The following AK9 variants were observed in gnomAD, a reference collection of about 807,000 sequenced individuals.
AK9 encodes the protein adenylate kinase 9.
Under a neutral mutation model 239.6 loss-of-function variants are expected in AK9, and 191 were observed. The ratio of observed to expected loss-of-function variants is 0.80; its 90% CI spans 0.71 to 0.90. AK9 has a LOEUF of 0.90. AK9 is among the 40% of genes least tolerant of loss of function. The probability of loss-of-function intolerance (pLI) is 0.00; values close to 1 mark genes in which losing one functional copy is unlikely to be tolerated. For synonymous variants in AK9, 689 were observed against 721.0 expected, an observed-to-expected ratio of 0.96 and a Z score of 0.71; for missense variants, 1,995 against 2,214.7, an observed-to-expected ratio of 0.90 and a Z score of 1.99.
rs951124091 is a variant in AK9 at position 109,585,670 on chromosome 6, G to A, written c.1999+246C>T. 4.6e-5 allele frequency among the ~76,000 whole-genome samples: 7 copies of A among 151,974 alleles called. No individual in the cohort carries two copies. In the East Asian group the frequency reaches 5.8e-4, roughly 13 times the overall value. ...ATAGCTTCTAATTGTGTGTGTGTGC[G>A]TGCTAAACTGTAAGCTTTAAAGAAA... On this transcript the variant is annotated intron_variant, in intron 18 of 40. Coordinates refer to ENST00000424296, the MANE Select transcript of AK9 (RefSeq NM_001145128.3).
intron 17 of AK9, among the ~76,000 whole-genome samples, chr6:109,590,524 G>C (rs1168300805): frequency 6.6e-6 from 1 of 151,860 alleles, no homozygotes; most frequent in East Asian, 1.9e-4. Flanking sequence ...TTAATTCTTT[G>C]TAATGTTTTT....
At chr6:109,508,089 A>G (rs1295959990) in intron 33 of AK9, among the ~76,000 whole-genome samples, 1 of 152,198 alleles carries the variant, frequency 6.6e-6, no homozygotes, top group Non-Finnish European at 1.5e-5. Context: ...TGAATTGTTC[A>G]TTGCTTAAAC....
At chr6:109,660,192 A>G (rs1203572547) in intron 6 of AK9, among the ~76,000 whole-genome samples, 4 of 152,126 alleles carry the variant, frequency 2.6e-5, no homozygotes, top group Non-Finnish European at 5.9e-5. Flanking sequence ...ATTGTAGTCC[A>G]TGGTCTATGA....
intron 5 of AK9, among the ~76,000 whole-genome samples, 178 bp downstream of exon 5, chr6:109,671,740 AC>A (rs975984231): frequency 4.3e-4 from 65 of 152,188 alleles, no homozygotes; most frequent in African/African-American, 1.5e-3. Context: ...AAACAAATGT[AC>A]AATCTGAGAA....
intron 36 of AK9, 121 bp downstream of exon 36, chr6:109,498,920 CACA>C: frequency 1.3e-6 from 1 of 775,376 alleles, no homozygotes; most frequent in Non-Finnish European, 1.9e-6. Context: ...GTCCCAGAGT[CACA>C]AGTTCCAGTA....
At chr6:109,645,816 T>A (rs1797985990) in intron 8 of AK9, among the ~76,000 whole-genome samples, 1 of 152,210 alleles carries the variant, frequency 6.6e-6, no homozygotes, top group Non-Finnish European at 1.5e-5. Context: ...AGGGGCTCAC[T>A]GACACCTCAT....
intron 6 of AK9, among the ~76,000 whole-genome samples, chr6:109,662,007 C>A (rs1447649762): frequency 6.6e-6 from 1 of 152,152 alleles, no homozygotes; most frequent in East Asian, 1.9e-4. Flanking sequence ...ACATTCATGT[C>A]ATGTGTCTAT....
chr6:109,660,460 C>T (rs1800276661), intron 6 of AK9, among the ~76,000 whole-genome samples: 1 of 152,090 alleles, frequency 6.6e-6, no homozygotes, highest in African/African-American at 2.4e-5. Flanking sequence ...ACAAAGGAAG[C>T]CAGGAATGTT....
chr6:109,530,736 T>C (rs185375455), intron 28 of AK9, among the ~76,000 whole-genome samples: 150 of 152,308 alleles, frequency 9.8e-4, no homozygotes, highest in Non-Finnish European at 1.4e-3. Flanking sequence ...CTGCAAGGCA[T>C]TACTCCACTC....
rs552681272 is a variant in AK9 at position 109,653,386 on chromosome 6, A to G, written c.759+3370T>C. ...AATTTCTGCCAAACTGAGTTAAAAAACGGAATCAGTTTATTTTACTTTTTA... is the reference window on the plus strand; with the variant it reads ...AATTTCTGCCAAACTGAGTTAAAAAGCGGAATCAGTTTATTTTACTTTTTA... On this transcript the variant is annotated intron_variant, in intron 8 of 40. Transcript: ENST00000424296. 2.0e-5 allele frequency among the ~76,000 whole-genome samples: 3 copies of G among 152,266 alleles called. No individual in the cohort carries two copies. The South Asian group carries it at 6.2e-4, about 32-fold the overall frequency.
At chr6:109,503,391 T>C (rs966160093) in intron 35 of AK9, among the ~76,000 whole-genome samples, 2 of 152,120 alleles carry the variant, frequency 1.3e-5, no homozygotes, top group East Asian at 1.9e-4. Context: ...TTTCTAATTA[T>C]TGGGATATTC....
intron 22 of AK9, 33 bp from the exon 23 acceptor site, chr6:109,564,313 G>A (rs1355454161): frequency 6.7e-7 from 1 of 1,490,836 alleles, no homozygotes; most frequent in Admixed American, 2.4e-5. Flanking sequence ...AAGAAAAAAG[G>A]GGCTTTAAAT....
chr6:109,533,256 T>G lies in AK9; in HGVS notation c.3565A>C (p.Ile1189Leu), dbSNP rs753792386. 7.3e-5 allele frequency: 117 copies of G among 1,604,128 alleles called. No homozygotes were observed. In the Admixed American group the frequency reaches 2.0e-3, roughly 27 times the overall value. The stretch of plus-strand genomic sequence containing the variant: ...CATTTTTGCTAGATACATACCCTGA[T>G]TTTTGCCTTCATGTCTTTGATCAGT... Reference protein sequence around the residue: ...KKLIKDMKAKIRVDTIAKRRA... With the variant: ...KKLIKDMKAKLRVDTIAKRRA... The change falls in exon 28 of 41, where the codon ATC becomes CTC. Residue 1189 changes from isoleucine to leucine, a missense_variant. Physicochemically the swap from Ile to Leu is conservative, Grantham distance 5. Transcript: ENST00000424296.
chr6:109,690,000 G>A (rs1347530205), intron 1 of AK9, among the ~76,000 whole-genome samples: 1 of 152,176 alleles, frequency 6.6e-6, no homozygotes, highest in Admixed American at 6.5e-5. Context: ...ACTACAGGGG[G>A]AAAGAAGCGC....
intron 21 of AK9, among the ~76,000 whole-genome samples, chr6:109,569,294 G>T (rs1787047517): frequency 6.6e-6 from 1 of 152,154 alleles, no homozygotes; most frequent in South Asian, 2.1e-4. Flanking sequence ...ATGGATTAAA[G>T]ACTTAAATGT....
At chr6:109,583,184 C>T (rs1455848088) in intron 19 of AK9, among the ~76,000 whole-genome samples, 1 of 152,098 alleles carries the variant, frequency 6.6e-6, no homozygotes, top group Non-Finnish European at 1.5e-5. Context: ...TCAGATGGGG[C>T]TCTTTGTGAC....
intron 20 of AK9, among the ~76,000 whole-genome samples, chr6:109,577,938 T>A (rs1263755035): frequency 6.7e-6 from 1 of 148,554 alleles, no homozygotes; most frequent in Non-Finnish European, 1.5e-5. Flanking sequence ...TTCCTTTCTT[T>A]CTCTTTTTTT....
chr6:109,645,712 C>T (rs1006961120), intron 8 of AK9, among the ~76,000 whole-genome samples: 1 of 152,200 alleles, frequency 6.6e-6, no homozygotes, highest in South Asian at 2.1e-4. Context: ...CAGTGGTTCT[C>T]CCAGCACAGA....
At chr6:109,535,794 G>T (rs1781896452) in intron 27 of AK9, among the ~76,000 whole-genome samples, 3 of 152,140 alleles carry the variant, frequency 2.0e-5, no homozygotes, top group Admixed American at 2.0e-4. Context: ...AAGATGTAAA[G>T]AAGGGATCCA....
Sources: gnomAD v4.1 joint callset for allele counts (sites outside exome capture counted in the v4.1 genomes callset) on GRCh38, gnomAD v4.1.1 for gene constraint, MANE v1.5 for transcripts, NCBI Gene and HGNC (gene_info 2026-07-23, HGNC 2026-07-21) for gene names.